The following SYNDIG1 variants were observed in gnomAD, a reference collection of about 807,000 sequenced individuals.
SYNDIG1 encodes synapse differentiation-inducing gene protein 1.
A neutral mutation model predicts 19.4 loss-of-function variants in SYNDIG1; 9 were observed. The observed-to-expected ratio is 0.46, with a 90% CI of 0.28 to 0.81. The LOEUF is 0.81. Among genes scored for constraint, SYNDIG1 ranks in the 30% least tolerant of loss-of-function variants. The pLI is 0.12. For missense variants in SYNDIG1, 311 were observed against 343.3 expected (o/e 0.91, Z 0.74); for synonymous variants, 141 against 145.9 (o/e 0.97, Z 0.24).
At chr20:24,579,141 G>C (rs1600671553) in intron 2 of SYNDIG1, among the ~76,000 whole-genome samples, 1 of 152,376 alleles carries the variant, frequency 6.6e-6, no homozygotes, top group East Asian at 1.9e-4. Flanking sequence ...AGTCCAGGGA[G>C]AGTGGCGAGA....
chr20:24,539,164 T>C (rs1204757057), intron 1 of SYNDIG1, among the ~76,000 whole-genome samples: 1 of 152,222 alleles, frequency 6.6e-6, no homozygotes, highest in Non-Finnish European at 1.5e-5. Context: ...ATCCAAGAAA[T>C]CATTGACAAA....
intron 3 of SYNDIG1, among the ~76,000 whole-genome samples, chr20:24,624,889 A>T (rs1440960734): frequency 6.6e-6 from 1 of 152,252 alleles, no homozygotes; most frequent in African/African-American, 2.4e-5. Flanking sequence ...ACTAAATAAC[A>T]GAAAGATACA....
chr20:24,486,120 G>A (rs8122239), intron 1 of SYNDIG1, among the ~76,000 whole-genome samples: 6,125 of 152,284 alleles, frequency 0.04, 396 homozygotes, highest in African/African-American at 0.14. Flanking sequence ...AGTGACAGGC[G>A]TGCCAAGGCC....
At chr20:24,618,566 A>G (rs943406750) in intron 3 of SYNDIG1, among the ~76,000 whole-genome samples, 4 of 152,164 alleles carry the variant, frequency 2.6e-5, no homozygotes, top group Non-Finnish European at 4.4e-5. Flanking sequence ...TACTCCGAGG[A>G]AAAAAAGACA....
At chr20:24,618,531 C>T (rs978956664) in intron 3 of SYNDIG1, among the ~76,000 whole-genome samples, 3 of 152,164 alleles carry the variant, frequency 2.0e-5, no homozygotes, top group Non-Finnish European at 4.4e-5. Context: ...GCTATTCTGC[C>T]AACCCAAAGG....
chr20:24,529,271 AC>A (rs1484735158), intron 1 of SYNDIG1, among the ~76,000 whole-genome samples: 1 of 152,160 alleles, frequency 6.6e-6, no homozygotes, highest in Non-Finnish European at 1.5e-5. Context: ...GGTACTGGTG[AC>A]ATTACTTGTA....
chr20:24,511,066 G>T (rs2056732732), intron 1 of SYNDIG1, among the ~76,000 whole-genome samples: 3 of 151,972 alleles, frequency 2.0e-5, no homozygotes, highest in Non-Finnish European at 4.4e-5. Flanking sequence ...GTGTGGATTT[G>T]GTTTCTCCTT....
chr20:24,484,858 A>T lies in SYNDIG1; in HGVS notation c.-79+15105A>T, dbSNP rs191453500. On this transcript the variant is annotated intron_variant, in intron 1 of 3. Transcript: ENST00000376862. ...CCACCAAAACTCATGTTGAAATTTG[A>T]TCCCCAATGTGGCAGTGTTTGGAGG... Among the ~76,000 whole-genome samples, 412 of 152,244 alleles carry T rather than the reference A, an allele frequency of 2.7e-3. 1 individual carries two copies. Among genetic ancestry groups the T allele is most frequent in the African/African-American group, 9.6e-3 (399 of 41,542 alleles).
At chr20:24,526,616 G>A (rs912514655) in intron 1 of SYNDIG1, among the ~76,000 whole-genome samples, 1 of 152,106 alleles carries the variant, frequency 6.6e-6, no homozygotes, top group Admixed American at 6.5e-5. Context: ...TATAATCAAT[G>A]TTTGTTTGGA....
At chr20:24,662,239 G>A (rs573355868) in intron 3 of SYNDIG1, among the ~76,000 whole-genome samples, 20 of 151,840 alleles carry the variant, frequency 1.3e-4, no homozygotes, top group South Asian at 8.3e-4. Context: ...TGTGAACAGC[G>A]CTGCACTTGA....
At chr20:24,638,497 A>G (rs1315381973) in intron 3 of SYNDIG1, among the ~76,000 whole-genome samples, 2 of 152,078 alleles carry the variant, frequency 1.3e-5, no homozygotes, top group South Asian at 2.1e-4. Context: ...CGCTGGGACT[A>G]CAAACATGTA....
intron 2 of SYNDIG1, among the ~76,000 whole-genome samples, chr20:24,583,532 C>A (rs2058364285): frequency 6.6e-6 from 1 of 152,218 alleles, no homozygotes; most frequent in Non-Finnish European, 1.5e-5. Flanking sequence ...TTGTATAGGA[C>A]AAATGCCTAG....
intron 3 of SYNDIG1, among the ~76,000 whole-genome samples, chr20:24,625,480 A>G (rs1348279444): frequency 1.3e-5 from 2 of 150,132 alleles, no homozygotes; most frequent in Non-Finnish European, 3.0e-5. Flanking sequence ...AGGTCAGCAG[A>G]TAAACAAGTG....
intron 3 of SYNDIG1, among the ~76,000 whole-genome samples, chr20:24,595,876 A>G (rs2058587027): frequency 6.6e-6 from 1 of 152,042 alleles, no homozygotes; most frequent in Non-Finnish European, 1.5e-5. Flanking sequence ...CTAGTTGTCT[A>G]TCAAGCTTAT....
At position 24,623,858 on chromosome 20, in the gene SYNDIG1, C is replaced by A. The variant is rs112168114; in HGVS notation, c.618+38865C>A. ...GATTCTGAAAAAGAGGGGGAAAAAA[C>A]CAGAACAAATCCAACAACCTTACAA... On this transcript the variant is annotated intron_variant, in intron 3 of 3. Coordinates refer to ENST00000376862, the MANE Select transcript of SYNDIG1 (RefSeq NM_024893.3). Among the ~76,000 whole-genome samples the A allele has an allele frequency of 9.7e-3, 1,469 of 152,142 alleles. 30 individuals carry two copies. The highest frequency in any genetic ancestry group is 0.033 in the African/African-American group (1,350 of 41,488).
At chr20:24,631,426 G>A (rs930996333) in intron 3 of SYNDIG1, among the ~76,000 whole-genome samples, 3 of 152,160 alleles carry the variant, frequency 2.0e-5, no homozygotes, top group Admixed American at 6.5e-5. Context: ...CGGGCGCGAC[G>A]GCCTCATCAT....
At chr20:24,536,443 G>A (rs149041443) in intron 1 of SYNDIG1, among the ~76,000 whole-genome samples, 173 of 152,250 alleles carry the variant, frequency 1.1e-3, no homozygotes, top group African/African-American at 3.5e-3. Context: ...CAGGAGACCC[G>A]GCTGCCTGGA....
chr20:24,504,479 C>T (rs183157508), intron 1 of SYNDIG1, among the ~76,000 whole-genome samples: 28 of 152,262 alleles, frequency 1.8e-4, no homozygotes, highest in Admixed American at 2.6e-4. Context: ...CAAACAAGCC[C>T]GACTGAGCTC....
At chr20:24,486,220 G>A (rs931860249) in intron 1 of SYNDIG1, among the ~76,000 whole-genome samples, 8 of 152,198 alleles carry the variant, frequency 5.3e-5, no homozygotes, top group African/African-American at 1.9e-4. Flanking sequence ...TGTGAGGTTG[G>A]GTGTGGTGTG....
Sources: gnomAD v4.1 joint callset for allele counts (sites outside exome capture counted in the v4.1 genomes callset) on GRCh38, gnomAD v4.1.1 for gene constraint, MANE v1.5 for transcripts, NCBI Gene and HGNC (gene_info 2026-07-23, HGNC 2026-07-21) for gene names.